Variants in RNPC3 observed in about 807,000 individuals in gnomAD.
RNPC3 encodes the protein RNA-binding region-containing protein 3.
RNPC3 carries 48 observed loss-of-function variants against 67.5 expected under a neutral mutation model. The ratio of observed to expected loss-of-function variants is 0.71; its 90% CI spans 0.56 to 0.90. The LOEUF (loss-of-function observed/expected upper bound fraction) is 0.90. Among genes scored for constraint, RNPC3 ranks in the 40% least tolerant of loss-of-function variants. The probability of loss-of-function intolerance (pLI) is 0.00; values close to 1 mark genes in which losing one functional copy is unlikely to be tolerated. For missense variants in RNPC3, 637 were observed against 626.1 expected (o/e 1.02, Z -0.19); for synonymous variants, 239 against 210.3 (o/e 1.14, Z -1.18).
chr1:103,530,443 A>AC (rs1004851342), intron 2 of RNPC3, among the ~76,000 whole-genome samples: 1 of 152,168 alleles, frequency 6.6e-6, no homozygotes, highest in Non-Finnish European at 1.5e-5. Context: ...AACAGCTGGA[A>AC]CAGGGGCTCT....
intron 12 of RNPC3, among the ~76,000 whole-genome samples, chr1:103,549,058 C>T (rs997353303): frequency 3.9e-5 from 6 of 152,126 alleles, no homozygotes; most frequent in Admixed American, 1.3e-4. Context: ...CCTTTCACAG[C>T]GTTCCTCCCA....
intron 1 of RNPC3, 67 bp downstream of exon 1, chr1:103,526,329 T>C (rs143297421): frequency 1.2e-4 from 159 of 1,359,482 alleles, no homozygotes; most frequent in Non-Finnish European, 1.3e-4. Flanking sequence ...GGGGGAGCGC[T>C]GACAAGAGTA....
intron 6 of RNPC3, 35 bp from the exon 7 acceptor site, chr1:103,537,307 C>G: frequency 1.4e-6 from 2 of 1,419,648 alleles, no homozygotes. Context: ...ATATTTTGGA[C>G]TGCCATAGTA....
At chr1:103,533,989 A>G in intron 3 of RNPC3, 132 bp downstream of exon 3, 1 of 623,480 alleles carries the variant, frequency 1.6e-6, no homozygotes, top group East Asian at 2.8e-5. Flanking sequence ...TTTTTCCATT[A>G]AACCTAGTAC....
rs1650684132 is a variant in RNPC3 at position 103,525,846 on chromosome 1, G to A, written c.-225G>A. ...CTTGTAAGTCTTTCCGGAGACCCCT[G>A]GAATTTAAATCATTAGCACCGCGCC... On this transcript the variant is annotated 5_prime_UTR_variant, in exon 1 of 15. Coordinates refer to ENST00000423855, the MANE Select transcript of RNPC3 (RefSeq NM_017619.4). 4.1e-6 allele frequency: 2 copies of A among 483,996 alleles called. No homozygotes were observed. The highest frequency in any genetic ancestry group is 3.7e-6 in the Non-Finnish European group (1 of 271,392). The allele number at this position is 483,996 out of a possible 1,614,324, so 30.0% of individuals were successfully genotyped here. A position where few individuals can be genotyped will look rare whatever the true frequency, so the allele number is the denominator to read the frequency against.
intron 9 of RNPC3, among the ~76,000 whole-genome samples, chr1:103,544,015 T>C (rs1651185148): frequency 6.6e-6 from 1 of 151,784 alleles, no homozygotes; most frequent in African/African-American, 2.4e-5. Context: ...AAGTCTTTAT[T>C]TTGAAATTTC....
chr1:103,542,344 T>C (rs1651142230), intron 8 of RNPC3, among the ~76,000 whole-genome samples: 2 of 151,864 alleles, frequency 1.3e-5, no homozygotes, highest in Non-Finnish European at 2.9e-5. Context: ...AAGGAAAGTT[T>C]CCAGAGGTAG....
chr1:103,545,273 T>C (rs1007138618), intron 10 of RNPC3, 171 bp downstream of exon 10: 11 of 534,148 alleles, frequency 2.1e-5, no homozygotes, highest in African/African-American at 4.0e-5. Context: ...TACTCATACT[T>C]TATAGTGGAG....
chr1:103,534,588 A>G (rs934119845), intron 3 of RNPC3, among the ~76,000 whole-genome samples, 186 bp from the exon 4 acceptor site: 1 of 151,734 alleles, frequency 6.6e-6, no homozygotes, highest in African/African-American at 2.4e-5. Context: ...AGTGAAGGTT[A>G]CTTTTAGTTA....
At chr1:103,537,508 T>A (rs1431065965) in intron 7 of RNPC3, 24 bp downstream of exon 7, 7 of 1,524,126 alleles carry the variant, frequency 4.6e-6, no homozygotes, top group Non-Finnish European at 6.1e-6. Flanking sequence ...AAAATTTGTT[T>A]AGTTTCCAAG....
chr1:103,551,370 G>A, intron 13 of RNPC3: 1 of 361,868 alleles, frequency 2.8e-6, no homozygotes, highest in South Asian at 6.0e-5. Flanking sequence ...TACATTTGGA[G>A]TCATAAAAGA....
rs1650954838 is a variant in RNPC3 at position 103,535,334 on chromosome 1, A to T, written c.448A>T (p.Thr150Ser). ...ENGIAPNHGL[T>S]FPLNSCLKYM... The stretch of plus-strand genomic sequence containing the variant: ...TAAATGTTTTTTGTTTTATAGGCTG[A>T]CTTTTCCTTTAAATTCATGCCTCAA... Residue 150 changes from threonine (T) to serine (S), a missense_variant, in exon 5 of 15, where the codon ACT (threonine) becomes TCT (serine). This residue lies in a region of RNPC3 where 536 missense variants were observed against 500.3 expected (regional missense o/e 1.07). Transcript: ENST00000423855. The T allele has an allele frequency of 2.0e-6, 3 of 1,531,292 alleles. No individual in the cohort carries two copies. The allele number at this position is 1,531,292 out of a possible 1,614,324, so 94.9% of individuals were successfully genotyped here.
At chr1:103,542,969 G>C (rs1488965937) in intron 8 of RNPC3, among the ~76,000 whole-genome samples, 1 of 151,606 alleles carries the variant, frequency 6.6e-6, no homozygotes, top group Non-Finnish European at 1.5e-5. Flanking sequence ...AGAATGCACT[G>C]TTTTGCATAT....
intron 1 of RNPC3, among the ~76,000 whole-genome samples, chr1:103,527,407 A>T (rs989754714): frequency 1.3e-5 from 2 of 152,210 alleles, no homozygotes; most frequent in African/African-American, 2.4e-5. Flanking sequence ...GTTAAAAGTG[A>T]CCCTCTGTGT....
In RNPC3 at chr1:103,526,118, C is replaced by G. The variant is rs1299769547; in HGVS notation, c.48C>G (p.Ser16Arg). The G allele has an allele frequency of 6.4e-7, 1 of 1,550,858 alleles. No individual in the cohort carries two copies. The highest frequency in any genetic ancestry group is 1.2e-5 in the South Asian group (1 of 83,932). ...QPLAISRGCT[S>R]SSSLSPPRGD... ...TTGCGATATCAAGGGGATGCACGAG[C>G]TCCTCCTCGCTTTCCCCGCCTCGGG... Residue 16 changes from serine to arginine, a missense_variant, in exon 1 of 15, where the codon AGC becomes AGG. By Grantham distance (110) the Ser-to-Arg change is moderately radical. Around this residue, in one of 3 missense-constraint regions of RNPC3, gnomAD observed 536 missense variants for 500.3 expected, o/e 1.07. Transcript: ENST00000423855.
chr1:103,536,972 C>A (rs987126560), intron 6 of RNPC3, among the ~76,000 whole-genome samples: 1 of 152,140 alleles, frequency 6.6e-6, no homozygotes, highest in Non-Finnish European at 1.5e-5. Flanking sequence ...ACGAAAAACA[C>A]CTGAATTGTT....
intron 6 of RNPC3, among the ~76,000 whole-genome samples, chr1:103,536,891 T>C (rs1430468245): frequency 6.6e-6 from 1 of 152,144 alleles, no homozygotes; most frequent in Admixed American, 6.5e-5. Flanking sequence ...TTTAATACAA[T>C]AAAAGTTATT....
chr1:103,533,014 A>G (rs1487729890), intron 2 of RNPC3, among the ~76,000 whole-genome samples: 1 of 152,088 alleles, frequency 6.6e-6, no homozygotes, highest in Non-Finnish European at 1.5e-5. Context: ...ATAATCCAAT[A>G]GAGGACAGTA....
rs889497936 is a variant in RNPC3, at chr1:103,526,091, G to A, written c.21G>A (p.Pro7=). 6.5e-7 allele frequency: 1 copy of A among 1,542,962 alleles called. No homozygotes were observed. Among genetic ancestry groups the A allele is most frequent in the Non-Finnish European group, 8.8e-7 (1 of 1,141,846 alleles). The change falls in exon 1 of 15, where the codon CCG becomes CCA. Residue 7 remains proline (P), a synonymous_variant. Coordinates refer to ENST00000423855, the MANE Select transcript of RNPC3 (RefSeq NM_017619.4). ...GGAAAATGGCAGCTCCCGAGCAGCCGCTTGCGATATCAAGGGGATGCACGA... is the reference window on the plus strand; with the variant it reads ...GGAAAATGGCAGCTCCCGAGCAGCCACTTGCGATATCAAGGGGATGCACGA... MAAPEQ[P]LAISRGCTSS... is the part of the protein sequence containing the mutation.
Sources: allele counts gnomAD v4.1 joint callset (sites outside exome capture counted in the v4.1 genomes callset), GRCh38; gene constraint gnomAD v4.1.1; regional missense constraint gnomAD v4.1.1; transcripts MANE v1.5; gene names NCBI Gene and HGNC (gene_info 2026-07-23, HGNC 2026-07-21).